NCKAP1: variants seen among roughly 807,000 people sequenced by gnomAD.
The protein encoded by NCKAP1 is nck-associated protein 1.
In NCKAP1, 21 loss-of-function variants were observed where a neutral mutation model predicts 151.2. The observed-to-expected ratio is 0.14, with a 90% CI of 0.10 to 0.20. The LOEUF is 0.20. NCKAP1 is among the 10% of genes least tolerant of loss of function. NCKAP1 has a pLI of 1.00. For synonymous variants in NCKAP1, 484 were observed against 451.8 expected (o/e 1.07, Z -0.90); for missense variants, 933 against 1,352.1 (o/e 0.69, Z 4.86).
In NCKAP1 at chr2:182,954,249, C is replaced by T. The variant is rs575379734; in HGVS notation, c.2154-918G>A. ...CAAACAACTTTATTTTCTTTAATCACTCATAGCATATAAAACAGTTCTGTT... is the reference window on the plus strand; with the variant it reads ...CAAACAACTTTATTTTCTTTAATCATTCATAGCATATAAAACAGTTCTGTT... On this transcript the variant is annotated intron_variant, in intron 20 of 30. Coordinates refer to ENST00000361354, the MANE Select transcript of NCKAP1 (RefSeq NM_013436.5). Among the ~76,000 whole-genome samples the T allele has an allele frequency of 4.5e-4, 23 of 51,602 alleles. No individual in the cohort carries two copies. The Admixed American group carries it at 6.3e-3, about 14-fold the overall frequency. The allele number at this position is 51,602 out of a possible 152,430, so 33.9% of individuals were successfully genotyped here. A position where few individuals can be genotyped will look rare whatever the true frequency, so the allele number is the denominator to read the frequency against.
At chr2:182,943,153 T>C (rs1300520544) in intron 23 of NCKAP1, among the ~76,000 whole-genome samples, 1 of 152,172 alleles carries the variant, frequency 6.6e-6, no homozygotes, top group Non-Finnish European at 1.5e-5. Context: ...TCACCTGTGG[T>C]GCTCTTTCCA....
chr2:182,990,732 T>A (rs1299817121), intron 8 of NCKAP1, among the ~76,000 whole-genome samples: 2 of 152,182 alleles, frequency 1.3e-5, no homozygotes, highest in Non-Finnish European at 2.9e-5. Context: ...TTTAAACTCC[T>A]ATTATAGCTG....
chr2:182,966,164 G>A (rs1697565306), intron 16 of NCKAP1, among the ~76,000 whole-genome samples: 2 of 152,056 alleles, frequency 1.3e-5, no homozygotes, highest in South Asian at 4.2e-4. Flanking sequence ...GAAATCAAGA[G>A]ACATACTAGG....
Position 182,957,623 on chromosome 2 carries a change from A to G in NCKAP1, c.1882-27T>C, listed in dbSNP as rs375842021. On this transcript the variant is annotated intron_variant, in intron 18 of 30. Coordinates refer to ENST00000361354, the MANE Select transcript of NCKAP1 (RefSeq NM_013436.5). Reference sequence around the variant, plus strand: ...TAAATTTAGAAAAGAATGAAATCTTACATTACACCAATTACTCTGAAAGCA... The same window carrying G: ...TAAATTTAGAAAAGAATGAAATCTTGCATTACACCAATTACTCTGAAAGCA... 2.5e-6 allele frequency: 4 copies of G among 1,605,178 alleles called. No homozygotes were observed. The African/African-American group carries it at 5.4e-5, about 22-fold the overall frequency.
intron 19 of NCKAP1, chr2:182,957,093 T>C (rs376618793): frequency 1.3e-4 from 22 of 173,206 alleles, no homozygotes; most frequent in African/African-American, 4.7e-4. Flanking sequence ...ACATTGGGTA[T>C]GTTCTAATAT....
chr2:182,927,704 T>C (rs1453844990), intron 29 of NCKAP1, among the ~76,000 whole-genome samples: 5 of 152,088 alleles, frequency 3.3e-5, no homozygotes, highest in Admixed American at 2.6e-4. Flanking sequence ...GTAAAATATG[T>C]CTTTTTAGAG....
intron 25 of NCKAP1, 24 bp from the exon 26 acceptor site, chr2:182,934,856 T>C (rs1261755828): frequency 4.4e-6 from 5 of 1,146,656 alleles, no homozygotes; most frequent in Non-Finnish European, 6.2e-6. Context: ...CAAATAAGAA[T>C]ACAGAATTAT....
intron 17 of NCKAP1, among the ~76,000 whole-genome samples, chr2:182,963,167 G>C (rs1394254633): frequency 6.6e-6 from 1 of 151,822 alleles, no homozygotes; most frequent in Non-Finnish European, 1.5e-5. Context: ...AAAATGCCCT[G>C]TAAAACTTTA....
intron 8 of NCKAP1, among the ~76,000 whole-genome samples, chr2:182,990,431 T>C (rs981000151): frequency 6.6e-6 from 1 of 152,332 alleles, no homozygotes; most frequent in African/African-American, 2.4e-5. Context: ...CAATTATTCA[T>C]CCTTAAAGTC....
At chr2:183,018,019 C>T (rs746070110) in intron 2 of NCKAP1, among the ~76,000 whole-genome samples, 6 of 152,118 alleles carry the variant, frequency 3.9e-5, no homozygotes, top group South Asian at 2.1e-4. Flanking sequence ...GAGGCTGGGG[C>T]GGACGGATTG....
In NCKAP1 at chr2:182,986,240, A is replaced by G; in HGVS notation, c.948-13T>C. ...ACGTTTATTATAGCTAGGTGCAAAA[A>G]CAAATTAGAACGTTAGTTTAATTTG... is the stretch of plus-strand genomic sequence containing the variant. On this transcript the variant is annotated splice_polypyrimidine_tract_variant and intron_variant, in intron 9 of 30. Coordinates refer to ENST00000361354, the MANE Select transcript of NCKAP1 (RefSeq NM_013436.5). The G allele has an allele frequency of 1.3e-6, 2 of 1,599,938 alleles. No individual in the cohort carries two copies. Among genetic ancestry groups the G allele is most frequent in the Non-Finnish European group, 1.7e-6 (2 of 1,167,546 alleles).
chr2:183,004,977 G>A (rs1559102897), intron 2 of NCKAP1, among the ~76,000 whole-genome samples: 1 of 151,832 alleles, frequency 6.6e-6, no homozygotes. Flanking sequence ...TACTTGTAGT[G>A]ACTATTTTTA....
At chr2:182,942,030 G>C (rs991325927) in intron 24 of NCKAP1, 40 bp downstream of exon 24, 3 of 1,500,806 alleles carry the variant, frequency 2.0e-6, no homozygotes, top group Non-Finnish European at 2.7e-6. Flanking sequence ...TGAGTATCAA[G>C]ATCTTCTTAT....
chr2:182,963,643 G>C (rs998753795), intron 17 of NCKAP1, among the ~76,000 whole-genome samples: 7 of 152,042 alleles, frequency 4.6e-5, no homozygotes, highest in African/African-American at 1.7e-4. Context: ...AATAGCAATG[G>C]AAAGTAGAGG....
intron 4 of NCKAP1, among the ~76,000 whole-genome samples, chr2:183,002,664 GAAA>G (rs1698396394): frequency 8.4e-6 from 1 of 119,480 alleles, no homozygotes; most frequent in African/African-American, 4.3e-5. Context: ...ATCATACTAA[GAAA>G]GAGTCCATCA....
At position 182,923,865 on chromosome 2, in the gene NCKAP1, T is replaced by C. The variant is rs1295152434; in HGVS notation, c.*1837A>G. The C allele has an allele frequency of 1.3e-5, 2 of 152,152 alleles. No individual in the cohort carries two copies. Among genetic ancestry groups the C allele is most frequent in the African/African-American group, 4.8e-5 (2 of 41,428 alleles). 9.4% of individuals were successfully genotyped at this position (152,152 alleles called of 1,614,324 possible). A position where few individuals can be genotyped will look rare whatever the true frequency, so the allele number is the denominator to read the frequency against. On this transcript the variant is annotated 3_prime_UTR_variant, in exon 31 of 31. Transcript: ENST00000361354. The stretch of plus-strand genomic sequence containing the variant: ...TATGAGAAAAAATTTGGACAAAAAC[T>C]TCAGGTGACTATGAGGAGCGATTTT...
chr2:183,037,057 C>CA (rs1376991419), intron 1 of NCKAP1, among the ~76,000 whole-genome samples: 2 of 152,082 alleles, frequency 1.3e-5, no homozygotes, highest in Admixed American at 6.5e-5. Flanking sequence ...GTTGTTTTGT[C>CA]CTACGATAAT....
At chr2:183,036,935 T>C (rs1699113854) in intron 1 of NCKAP1, among the ~76,000 whole-genome samples, 1 of 152,226 alleles carries the variant, frequency 6.6e-6, no homozygotes, top group Non-Finnish European at 1.5e-5. Context: ...TATGAAGGTA[T>C]GACATCAAAG....
At chr2:183,009,584 T>C (rs1475698352) in intron 2 of NCKAP1, among the ~76,000 whole-genome samples, 2 of 152,140 alleles carry the variant, frequency 1.3e-5, no homozygotes, top group African/African-American at 4.8e-5. Flanking sequence ...CTAAATTGAA[T>C]CCTCTTAATA....
Sources: gnomAD v4.1 joint callset for allele counts (sites outside exome capture counted in the v4.1 genomes callset) on GRCh38, gnomAD v4.1.1 for gene constraint, MANE v1.5 for transcripts, NCBI Gene and HGNC (gene_info 2026-07-23, HGNC 2026-07-21) for gene names.